Variants in ROBO2 observed in about 807,000 individuals in gnomAD.
ROBO2 encodes roundabout homolog 2.
Under a neutral mutation model 160.8 loss-of-function variants are expected in ROBO2, and 53 were observed. That is an observed-to-expected ratio of 0.33 (90% CI 0.26 to 0.41). ROBO2 has a LOEUF of 0.41. Ranked by LOEUF, ROBO2 falls within the 10% of genes least tolerant of loss-of-function variation. The pLI is 1.00. For synonymous variants in ROBO2, 664 were observed against 611.7 expected (o/e 1.09, Z -1.26); for missense variants, 1,577 against 1,722.4 (o/e 0.92, Z 1.49).
intron 17 of ROBO2, among the ~76,000 whole-genome samples, chr3:77,593,589 G>A (rs1418798483): frequency 6.6e-6 from 1 of 152,110 alleles, no homozygotes; most frequent in African/African-American, 2.4e-5. Context: ...GTTCCTAAAA[G>A]CCCTGATATG....
intron 2 of ROBO2, among the ~76,000 whole-genome samples, chr3:76,209,134 G>A (rs1702987249): frequency 6.6e-6 from 1 of 152,098 alleles, no homozygotes; most frequent in Non-Finnish European, 1.5e-5. Flanking sequence ...CTGTTACATG[G>A]CAAGGCATGT....
In ROBO2 at chr3:77,222,026, C is replaced by T. The variant is rs527561975; in HGVS notation, c.388+123686C>T. ...CGCCACTACTCCCAGCTAATTTTTG[C>T]GTTTTTAGTAGAGATGGAGTTTCAC... On this transcript the variant is annotated intron_variant, in intron 2 of 25. Transcript: ENST00000461745. 1.3e-4 allele frequency among the ~76,000 whole-genome samples: 19 copies of T among 151,580 alleles called. No homozygotes were observed. The South Asian group carries it at 1.7e-3, about 13-fold the overall frequency.
At chr3:76,449,503 T>C (rs552795913) in intron 2 of ROBO2, among the ~76,000 whole-genome samples, 14 of 152,250 alleles carry the variant, frequency 9.2e-5, no homozygotes, top group African/African-American at 2.6e-4. Context: ...ATTTACATAT[T>C]TCATAAGAAC....
At chr3:77,548,717 T>C (rs1386692952) in intron 7 of ROBO2, among the ~76,000 whole-genome samples, 1 of 151,872 alleles carries the variant, frequency 6.6e-6, no homozygotes, top group Non-Finnish European at 1.5e-5. Flanking sequence ...AAATCTTAAG[T>C]CTAGTTTTCT....
chr3:76,267,988 C>G (rs1290075359), intron 2 of ROBO2, among the ~76,000 whole-genome samples: 1 of 152,148 alleles, frequency 6.6e-6, no homozygotes, highest in East Asian at 1.9e-4. Flanking sequence ...CTCATAAAAA[C>G]TCGAAATGCA....
chr3:76,176,996 C>A (rs2073255195), intron 2 of ROBO2, among the ~76,000 whole-genome samples: 1 of 151,914 alleles, frequency 6.6e-6, no homozygotes, highest in African/African-American at 2.4e-5. Context: ...GCAGTCATAT[C>A]CTCATCATTT....
At chr3:76,732,591 A>T (rs925297489) in intron 2 of ROBO2, among the ~76,000 whole-genome samples, 1 of 152,062 alleles carries the variant, frequency 6.6e-6, no homozygotes, top group Non-Finnish European at 1.5e-5. Flanking sequence ...CAGTTTTATT[A>T]AATTTTTTTG....
chr3:75,958,698 T>C (rs1948802190), intron 2 of ROBO2, among the ~76,000 whole-genome samples: 3 of 151,750 alleles, frequency 2.0e-5, no homozygotes, highest in South Asian at 4.1e-4. Flanking sequence ...TGGGAAAATA[T>C]TGAACAATCC....
At chr3:76,768,171 G>A (rs2061677603) in intron 2 of ROBO2, among the ~76,000 whole-genome samples, 1 of 151,110 alleles carries the variant, frequency 6.6e-6, no homozygotes, top group African/African-American at 2.4e-5. Flanking sequence ...TTTTTTAATG[G>A]CAGTAATTTA....
intron 2 of ROBO2, among the ~76,000 whole-genome samples, chr3:76,662,791 T>C (rs558902591): frequency 1.5e-3 from 235 of 152,184 alleles, no homozygotes; most frequent in Middle Eastern, 0.01. Flanking sequence ...GAAAACAGTA[T>C]GGGCACTGTA....
At chr3:77,303,063 G>A (rs150297315) in intron 2 of ROBO2, among the ~76,000 whole-genome samples, 83 of 152,152 alleles carry the variant, frequency 5.5e-4, no homozygotes, top group African/African-American at 1.8e-3. Context: ...TTCCATAGAC[G>A]GATTTCATGG....
At chr3:76,440,455 A>G (rs2076876975) in intron 2 of ROBO2, among the ~76,000 whole-genome samples, 6 of 151,832 alleles carry the variant, frequency 4.0e-5, no homozygotes, top group Admixed American at 3.9e-4. Flanking sequence ...CTGTAAAAGT[A>G]CTTTACTTGA....
intron 2 of ROBO2, among the ~76,000 whole-genome samples, chr3:76,846,483 A>G (rs939972408): frequency 6.6e-6 from 1 of 152,082 alleles, no homozygotes; most frequent in Admixed American, 6.6e-5. Context: ...CTGAAAGATG[A>G]ATCGATTTTT....
chr3:76,680,919 G>A (rs1422305567), intron 2 of ROBO2, among the ~76,000 whole-genome samples: 7 of 151,968 alleles, frequency 4.6e-5, no homozygotes, highest in East Asian at 3.9e-4. Context: ...GGAGACTACC[G>A]GGATGCACCA....
At chr3:76,143,956 C>A (rs994673694) in intron 2 of ROBO2, among the ~76,000 whole-genome samples, 9 of 151,790 alleles carry the variant, frequency 5.9e-5, no homozygotes, top group Non-Finnish European at 1.2e-4. Context: ...TCTTATTCTG[C>A]CTTTTTTTTT....
intron 2 of ROBO2, among the ~76,000 whole-genome samples, chr3:76,285,121 T>C (rs888505425): frequency 6.6e-6 from 1 of 152,172 alleles, no homozygotes; most frequent in Non-Finnish European, 1.5e-5. Context: ...AGAACTTTTC[T>C]TGTTCACCAT....
intron 2 of ROBO2, among the ~76,000 whole-genome samples, chr3:76,559,878 T>G (rs1417208535): frequency 2.0e-5 from 3 of 152,116 alleles, no homozygotes; most frequent in Non-Finnish European, 1.5e-5. Flanking sequence ...CTTCCCCAAG[T>G]CATCTCCAGA....
chr3:77,400,555 C>A (rs1185858698), intron 2 of ROBO2, among the ~76,000 whole-genome samples: 1 of 152,148 alleles, frequency 6.6e-6, no homozygotes, highest in African/African-American at 2.4e-5. Flanking sequence ...TATAACCGTA[C>A]AAGTAATTGT....
chr3:77,448,584 C>CATAATA (rs777764114), intron 2 of ROBO2, among the ~76,000 whole-genome samples: 4,661 of 152,222 alleles, frequency 0.031, 101 homozygotes, highest in East Asian at 0.077. Context: ...CTAATGGATA[C>CATAATA]ACCTTTTATT....
Sources: gnomAD v4.1 joint callset for allele counts (sites outside exome capture counted in the v4.1 genomes callset) on GRCh38, gnomAD v4.1.1 for gene constraint, MANE v1.5 for transcripts, NCBI Gene and HGNC (gene_info 2026-07-23, HGNC 2026-07-21) for gene names.